The following CAPN15 variants were observed in gnomAD, a reference collection of about 807,000 sequenced individuals.
CAPN15 encodes calpain 15.
CAPN15 carries 53 observed loss-of-function variants against 97.9 expected under a neutral mutation model. That is an observed-to-expected ratio of 0.54 (90% confidence interval 0.43 to 0.68). The LOEUF (loss-of-function observed/expected upper bound fraction) is 0.68, where lower values mean the gene tolerates loss of function less well. CAPN15 is among the 30% of genes least tolerant of loss of function. The probability of loss-of-function intolerance (pLI) is 0.00; values close to 1 mark genes in which losing one functional copy is unlikely to be tolerated. For synonymous variants in CAPN15, 922 were observed against 722.5 expected (o/e 1.28, Z -4.43); for missense variants, 1,592 against 1,589.8 (o/e 1.00, Z -0.02).
chr16:551,843 C>G, intron 9 of CAPN15, 179 bp downstream of exon 9: 1 of 979,550 alleles, frequency 1.0e-6, no homozygotes, highest in Non-Finnish European at 1.6e-6. Flanking sequence ...CCACCCAGGT[C>G]AGCAGATTCC....
Position 549,690 on chromosome 16 carries a change from C to T in CAPN15, c.1918C>T (p.Gln640Ter). 6.4e-7 allele frequency: 1 copy of T among 1,562,802 alleles called. No homozygotes were observed. The highest frequency in any genetic ancestry group is 8.6e-7 in the Non-Finnish European group (1 of 1,156,752). The change falls in exon 7 of 14, where the codon CAG becomes TAG. Residue 640 changes from glutamine to a stop codon, truncating the protein, a stop_gained. Transcript: ENST00000219611. LOFTEE classifies it high-confidence loss of function. ...GCTGCACGGCTCCTACTTTGCGCTC[C>T]AGGCGGGCCGCGCCATCGAAGGCCT... ...AKLHGSYFAL[Q>*]AGRAIEGLAT...
intron 7 of CAPN15, among the ~76,000 whole-genome samples, chr16:550,632 C>A (rs538156840): frequency 6.6e-6 from 1 of 152,074 alleles, no homozygotes; most frequent in Non-Finnish European, 1.5e-5. Context: ...GTGAGACCCC[C>A]TGTCAGTGAG....
rs907686056 is a variant in CAPN15, at chr16:546,662, G to A, written c.-22-155G>A. ...CATGGATCCATTCTGGGTGGAGGCA[G>A]CCCCCACCGCCGCCTGCCTCAAATG... On this transcript the variant is annotated intron_variant, in intron 3 of 13. Transcript: ENST00000219611. 5.9e-4 allele frequency among the ~76,000 whole-genome samples: 90 copies of A among 152,204 alleles called. 1 individual carries two copies. The Middle Eastern group carries it at 0.014, about 23-fold the overall frequency.
In CAPN15 at chr16:552,812, G is replaced by T; in HGVS notation, c.2904+41G>T. The T allele has an allele frequency of 5.2e-6, 8 of 1,544,676 alleles. No homozygotes were observed. Among genetic ancestry groups the T allele is most frequent in the Non-Finnish European group, 7.0e-6 (8 of 1,143,388 alleles). On this transcript the variant is annotated intron_variant, in intron 12 of 13. Coordinates refer to ENST00000219611, the MANE Select transcript of CAPN15 (RefSeq NM_005632.3). The surrounding 1 kb of genome is among the most constrained non-coding windows in gnomAD (Gnocchi z 6.4). ...GGGGGAGGGTGGCGTGGGGCAGGGG[G>T]AGTATGCCCCAGCACCTCCCCTGCC... is the stretch of plus-strand genomic sequence containing the variant.
chr16:536,144 T>TCTATGGCCACGGTCG lies in CAPN15; in HGVS notation c.-23+2_-23+3insCTATGGCCACGGTCG. The TCTATGGCCACGGTCG allele has an allele frequency of 3.2e-6, 3 of 945,390 alleles. No homozygotes were observed. Among genetic ancestry groups the TCTATGGCCACGGTCG allele is most frequent in the Non-Finnish European group, 2.5e-6 (2 of 793,832 alleles). 58.6% of individuals were successfully genotyped at this position (945,390 alleles called of 1,614,324 possible). ...GTGGGCCGGACCTGGGAGTGGCAGG[T>TCTATGGCCACGGTCG]GAGCGTTCCTCCCAAGAGCCTCTGG... is the stretch of plus-strand genomic sequence containing the variant. On this transcript the variant is annotated splice_region_variant and intron_variant, in intron 3 of 13. Transcript: ENST00000219611.
chr16:537,017 C>A, intron 3 of CAPN15: 1 of 470,974 alleles, frequency 2.1e-6, no homozygotes, highest in Non-Finnish European at 2.8e-6. Context: ...CGGATCGGGG[C>A]GGTTCAGCGA....
chr16:546,883 G>A lies in CAPN15; in HGVS notation c.45G>A (p.Leu15=). 6.2e-7 allele frequency: 1 copy of A among 1,611,510 alleles called. No individual in the cohort carries two copies. The highest frequency in any genetic ancestry group is 2.2e-5 in the East Asian group (1 of 44,874). ...GEWSCVRCTF[L]NPAGQRQCSI... is the part of the protein sequence containing the mutation. ...GGTCCTGTGTGCGCTGCACCTTCCT[G>A]AACCCGGCCGGCCAGCGCCAGTGCT... The change falls in exon 4 of 14, where the codon CTG becomes CTA. Residue 15 remains leucine, a synonymous_variant. Coordinates refer to ENST00000219611, the MANE Select transcript of CAPN15 (RefSeq NM_005632.3).
intron 3 of CAPN15, among the ~76,000 whole-genome samples, chr16:543,000 A>G (rs143118566): frequency 0.052 from 7,935 of 152,096 alleles, 460 homozygotes; most frequent in African/African-American, 0.14. Flanking sequence ...GCAGTGAGCC[A>G]AGATTGCACC....
rs1190855582 is a variant in CAPN15 at position 553,372 on chromosome 16, C to A, written c.3117C>A (p.Gly1039=). ...QVLVILSQLE[G]NAGFSITHRL... ...TGGTGATCTTGTCCCAGCTAGAGGG[C>A]AACGCCGGCTTCTCTATCACCCACC... The change falls in exon 14 of 14, where the codon GGC becomes GGA. Residue 1039 remains glycine, a synonymous_variant. Transcript: ENST00000219611. 1 of 1,607,266 alleles carries A rather than the reference C, an allele frequency of 6.2e-7. No homozygotes were observed. Among genetic ancestry groups the A allele is most frequent in the Non-Finnish European group, 8.5e-7 (1 of 1,178,092 alleles).
At chr16:548,410 G>A (rs2034751734) in intron 4 of CAPN15, 123 bp downstream of exon 4, 1 of 1,008,946 alleles carries the variant, frequency 9.9e-7, no homozygotes, top group South Asian at 1.9e-5. Context: ...GTGATGGGGA[G>A]GGCAGCACCC....
Position 547,689 on chromosome 16 carries a change from C to G in CAPN15, c.851C>G (p.Ser284Cys). The G allele has an allele frequency of 6.3e-7, 1 of 1,592,306 alleles. No homozygotes were observed. Among genetic ancestry groups the G allele is most frequent in the Non-Finnish European group, 8.6e-7 (1 of 1,168,060 alleles). ...APQGSGWAGA[S>C]RLAELLSGKR... ...CAGGGCTCGGGCTGGGCTGGGGCCT[C>G]CCGCCTAGCAGAGTTGCTGTCTGGC... The change falls in exon 4 of 14, where the codon TCC becomes TGC. Residue 284 changes from serine to cysteine, a missense_variant. This residue lies in a region of CAPN15 where 883 missense variants were observed against 776.6 expected (regional missense o/e 1.14). Transcript: ENST00000219611.
Position 550,459 on chromosome 16 carries a change from G to A in CAPN15, c.2066+621G>A, listed in dbSNP as rs562368072. Reference sequence around the variant, plus strand: ...CCAGACCCTCCTGAACACTTCACGTGGTCCCTACAGGCAGGAGTGGGCCCT... The same window carrying A: ...CCAGACCCTCCTGAACACTTCACGTAGTCCCTACAGGCAGGAGTGGGCCCT... On this transcript the variant is annotated intron_variant, in intron 7 of 13. Transcript: ENST00000219611. Among the ~76,000 whole-genome samples the A allele has an allele frequency of 4.6e-5, 7 of 152,354 alleles. No homozygotes were observed. In the East Asian group the frequency reaches 1.3e-3, roughly 29 times the overall value.
intron 3 of CAPN15, chr16:540,129 G>T (rs577467988): frequency 3.0e-6 from 3 of 985,308 alleles, no homozygotes; most frequent in African/African-American, 1.7e-5. Context: ...GCTCCGCTTC[G>T]CCCGCTGCTG....
chr16:536,247 G>A, intron 3 of CAPN15, 105 bp downstream of exon 3: 1 of 225,828 alleles, frequency 4.4e-6, no homozygotes, highest in Non-Finnish European at 7.4e-6. Context: ...TCTGGCCGGA[G>A]CCAGCACCCA....
intron 3 of CAPN15, among the ~76,000 whole-genome samples, chr16:543,887 A>G (rs1402319196): frequency 1.3e-5 from 2 of 152,178 alleles, no homozygotes; most frequent in African/African-American, 4.8e-5. Context: ...GCCCCAGGAC[A>G]GCAGGTGCTG....
chr16:551,419 G>A lies in CAPN15; in HGVS notation c.2184G>A (p.Gln728=), dbSNP rs1323457508. 2 of 1,607,982 alleles carry A rather than the reference G, an allele frequency of 1.2e-6. No individual in the cohort carries two copies. The highest frequency in any genetic ancestry group is 1.7e-6 in the Non-Finnish European group (2 of 1,176,522). The change falls in exon 8 of 14, where the codon CAG becomes CAA. Residue 728 remains glutamine, a synonymous_variant. Transcript: ENST00000219611. ...CCATCCTGGATGTCCGAGATGTCCA[G>A]GGCACCAGGTAGGGCCGGCCTGGCT... ...AYSILDVRDV[Q]GTRLLRLRNP...
At position 547,647 on chromosome 16, in the gene CAPN15, G is replaced by A. The variant is rs778650503; in HGVS notation, c.809G>A (p.Gly270Asp). ...GCTGCCCAGCCGTCACCCTCTGCCG[G>A]CTGCAGGGGAGCCCCCCAGGGCTCG... is the stretch of plus-strand genomic sequence containing the variant. ...PEAAQPSPSA[G>D]CRGAPQGSGW... The change falls in exon 4 of 14, where the codon GGC (glycine) becomes GAC (aspartate). Residue 270 changes from glycine to aspartate, a missense_variant. Around this residue, in one of 3 missense-constraint regions of CAPN15, gnomAD observed 883 missense variants for 776.6 expected, o/e 1.14. Coordinates refer to ENST00000219611, the MANE Select transcript of CAPN15 (RefSeq NM_005632.3). 6.4e-7 allele frequency: 1 copy of A among 1,570,394 alleles called. No homozygotes were observed. The highest frequency in any genetic ancestry group is 8.6e-7 in the Non-Finnish European group (1 of 1,158,604).
In CAPN15 at chr16:554,518, C is replaced by T. The variant is rs773324793; in HGVS notation, c.*1002C>T. On this transcript the variant is annotated 3_prime_UTR_variant, in exon 14 of 14. Coordinates refer to ENST00000219611, the MANE Select transcript of CAPN15 (RefSeq NM_005632.3). ...TTTTTAACCCTGTAAATACGGCCAGCTCTTGTGACACAGAGACTATTTTAT... is the reference window on the plus strand; with the variant it reads ...TTTTTAACCCTGTAAATACGGCCAGTTCTTGTGACACAGAGACTATTTTAT... 2.2e-6 allele frequency: 1 copy of T among 456,156 alleles called. No individual in the cohort carries two copies. Among genetic ancestry groups the T allele is most frequent in the East Asian group, 6.9e-5 (1 of 14,396 alleles). The allele number at this position is 456,156 out of a possible 1,614,324, so 28.3% of individuals were successfully genotyped here.
In CAPN15 at chr16:552,235, G is replaced by T; in HGVS notation, c.2507+23G>T. 1 of 1,531,302 alleles carries T rather than the reference G, an allele frequency of 6.5e-7. No individual in the cohort carries two copies. The allele number at this position is 1,531,302 out of a possible 1,614,324, so 94.9% of individuals were successfully genotyped here. ...CAGGTGGGTGCTGCGGGGCCCCATC[G>T]GGCTGGGCTGGGCTAGGCTGGCGGC... On this transcript the variant is annotated intron_variant, in intron 10 of 13. Coordinates refer to ENST00000219611, the MANE Select transcript of CAPN15 (RefSeq NM_005632.3). The surrounding 1 kb of genome is among the most constrained non-coding windows in gnomAD (Gnocchi z 6.4).
Sources: allele counts gnomAD v4.1 joint callset (sites outside exome capture counted in the v4.1 genomes callset), GRCh38; gene constraint gnomAD v4.1.1; regional missense constraint gnomAD v4.1.1; non-coding constraint Gnocchi (gnomAD v3.1); transcripts MANE v1.5; gene names NCBI Gene and HGNC (gene_info 2026-07-23, HGNC 2026-07-21).